C12orf42: variants seen among roughly 807,000 people sequenced by gnomAD.
C12orf42 encodes the protein chromosome 12 open reading frame 42, also known as uncharacterized protein C12orf42.
A neutral mutation model predicts 21.6 loss-of-function variants in C12orf42; 25 were observed. The ratio of observed to expected loss-of-function variants is 1.16; its 90% CI spans 0.84 to 1.62. C12orf42 has a LOEUF of 1.62. Among genes scored for constraint, C12orf42 ranks in the 40% most tolerant of loss-of-function variants. C12orf42 has a pLI of 0.00. For missense variants in C12orf42, 483 were observed against 459.3 expected (o/e 1.05, Z -0.47); for synonymous variants, 174 against 175.0 (o/e 0.99, Z 0.05).
At chr12:103,524,576 G>A in the C12orf42 span, among the ~76,000 whole-genome samples, 1 of 152,170 alleles carries the variant, frequency 6.6e-6, no homozygotes. Context: ...TCAGAATGAT[G>A]ATCAGCCCAG....
the C12orf42 span, among the ~76,000 whole-genome samples, chr12:103,097,507 A>G: frequency 7.9e-5 from 12 of 152,370 alleles, no homozygotes; most frequent in African/African-American, 2.9e-4. Context: ...AGTGACTTTA[A>G]GTATTTAGAG....
the C12orf42 span, among the ~76,000 whole-genome samples, chr12:103,077,237 G>T: frequency 1.3e-5 from 2 of 152,158 alleles, no homozygotes; most frequent in African/African-American, 4.8e-5. Context: ...TAAATTGCTA[G>T]TTGGATTACC....
the C12orf42 span, among the ~76,000 whole-genome samples, chr12:103,055,063 A>C: frequency 6.6e-6 from 1 of 151,774 alleles, no homozygotes; most frequent in Non-Finnish European, 1.5e-5. Context: ...TGGTTTTGAC[A>C]TTTGGATAAT....
chr12:103,133,239 C>T, the C12orf42 span, among the ~76,000 whole-genome samples: 1 of 152,300 alleles, frequency 6.6e-6, no homozygotes, highest in East Asian at 1.9e-4. Context: ...ATCACAACCA[C>T]TTCTAACACC....
chr12:103,137,519 T>G, the C12orf42 span, among the ~76,000 whole-genome samples: 3 of 152,216 alleles, frequency 2.0e-5, no homozygotes, highest in Admixed American at 6.5e-5. Context: ...ACTGGACATT[T>G]ATCCAAAGGA....
At chr12:103,394,042 C>T (rs1476417422) in intron 3 of C12orf42, among the ~76,000 whole-genome samples, 3 of 152,150 alleles carry the variant, frequency 2.0e-5, no homozygotes, top group Non-Finnish European at 2.9e-5. Flanking sequence ...AATGAATGGA[C>T]ACTTTTTCTT....
chr12:103,108,436 C>T, the C12orf42 span, among the ~76,000 whole-genome samples: 2 of 151,882 alleles, frequency 1.3e-5, no homozygotes, highest in African/African-American at 4.8e-5. Flanking sequence ...TAATTGAACC[C>T]ATCTCCTATG....
chr12:103,417,419 C>T (rs1336113020), intron 2 of C12orf42, among the ~76,000 whole-genome samples: 2 of 152,322 alleles, frequency 1.3e-5, no homozygotes, highest in Admixed American at 1.3e-4. Flanking sequence ...TCTTCATACT[C>T]CTCCATTTGG....
intron 3 of C12orf42, among the ~76,000 whole-genome samples, chr12:103,387,508 T>C (rs1369714927): frequency 6.6e-6 from 1 of 152,244 alleles, no homozygotes; most frequent in Non-Finnish European, 1.5e-5. Flanking sequence ...AACCTCTATA[T>C]GTGATTGTTC....
intron 2 of C12orf42, among the ~76,000 whole-genome samples, chr12:103,457,666 T>C (rs997880532): frequency 1.3e-5 from 2 of 152,140 alleles, no homozygotes; most frequent in African/African-American, 4.8e-5. Context: ...TTTCAAGCAT[T>C]TGAATCAGTT....
chr12:103,386,624 G>T (rs973987916), intron 3 of C12orf42, among the ~76,000 whole-genome samples: 1 of 152,158 alleles, frequency 6.6e-6, no homozygotes, highest in African/African-American at 2.4e-5. Context: ...AAAAGATTAT[G>T]CTACAGAGAG....
At chr12:103,097,561 C>G in the C12orf42 span, among the ~76,000 whole-genome samples, 1 of 152,084 alleles carries the variant, frequency 6.6e-6, no homozygotes, top group Non-Finnish European at 1.5e-5. Flanking sequence ...TAGAAAAATG[C>G]CTGCTGCTTT....
intron 4 of C12orf42, among the ~76,000 whole-genome samples, chr12:103,290,216 G>A (rs371205067): frequency 2.0e-5 from 3 of 152,236 alleles, no homozygotes; most frequent in East Asian, 1.9e-4. Flanking sequence ...CTGTCAAAAC[G>A]TCTGTCATCT....
intron 4 of C12orf42, among the ~76,000 whole-genome samples, chr12:103,345,890 T>C (rs1025980592): frequency 2.6e-5 from 4 of 152,196 alleles, no homozygotes; most frequent in African/African-American, 7.2e-5. Context: ...CTATGATTAC[T>C]ACTGTATGAT....
chr12:103,361,822 C>G (rs1010387335), intron 4 of C12orf42, among the ~76,000 whole-genome samples: 1 of 152,006 alleles, frequency 6.6e-6, no homozygotes, highest in Non-Finnish European at 1.5e-5. Flanking sequence ...GGGAATCACA[C>G]CCCCATCCCC....
chr12:103,229,344 A>G, the C12orf42 span, among the ~76,000 whole-genome samples: 1 of 152,228 alleles, frequency 6.6e-6, no homozygotes, highest in East Asian at 1.9e-4. Flanking sequence ...GGCTCCAGGC[A>G]GAGTATGACC....
At chr12:103,424,918 G>A (rs1290557224) in intron 2 of C12orf42, among the ~76,000 whole-genome samples, 1 of 152,200 alleles carries the variant, frequency 6.6e-6, no homozygotes, top group African/African-American at 2.4e-5. Flanking sequence ...ATGGAAAGCA[G>A]CAAGCTAAGA....
At chr12:103,049,818 T>G in the C12orf42 span, among the ~76,000 whole-genome samples, 2 of 152,176 alleles carry the variant, frequency 1.3e-5, no homozygotes, top group Non-Finnish European at 2.9e-5. Flanking sequence ...GATGGTTTCC[T>G]GGTGTCCTTC....
intron 4 of C12orf42, among the ~76,000 whole-genome samples, chr12:103,313,103 G>T (rs946335083): frequency 1.3e-5 from 2 of 152,190 alleles, no homozygotes; most frequent in South Asian, 2.1e-4. Flanking sequence ...AAAACTAGAG[G>T]CAATTGTCCT....
Sources: gnomAD v4.1 joint callset for allele counts (sites outside exome capture counted in the v4.1 genomes callset) on GRCh38, gnomAD v4.1.1 for gene constraint, MANE v1.5 for transcripts, NCBI Gene and HGNC (gene_info 2026-07-23, HGNC 2026-07-21) for gene names.